Variants in BANK1 observed in about 807,000 individuals in gnomAD.
BANK1 encodes the protein B-cell scaffold protein with ankyrin repeats.
In BANK1, 95 loss-of-function variants were observed where a neutral mutation model predicts 94.5. The ratio of observed to expected loss-of-function variants is 1.00; its 90% CI spans 0.85 to 1.19. The LOEUF is 1.19. Among genes scored for constraint, BANK1 ranks in the 50% most tolerant of loss-of-function variants. The pLI is 0.00. For synonymous variants in BANK1, 334 were observed against 308.4 expected, an observed-to-expected ratio of 1.08 and a Z score of -0.87; for missense variants, 987 against 932.2, an observed-to-expected ratio of 1.06 and a Z score of -0.77.
intron 9 of BANK1, 37 bp from the exon 10 acceptor site, chr4:102,029,923 C>A: frequency 6.5e-7 from 1 of 1,546,252 alleles, no homozygotes; most frequent in Non-Finnish European, 8.7e-7. Flanking sequence ...TTGCATGTAA[C>A]AGAAGAGTAA....
chr4:101,966,783 T>G (rs1036723865), intron 7 of BANK1, among the ~76,000 whole-genome samples: 2 of 152,040 alleles, frequency 1.3e-5, no homozygotes, highest in African/African-American at 4.8e-5. Context: ...ATTTGTGGGC[T>G]TAAGACCCAT....
intron 1 of BANK1, among the ~76,000 whole-genome samples, chr4:101,796,226 C>A: frequency 6.6e-6 from 1 of 152,116 alleles, no homozygotes; most frequent in Admixed American, 6.5e-5. Flanking sequence ...AGTGACGGAG[C>A]AGCTGCACTT....
intron 5 of BANK1, among the ~76,000 whole-genome samples, chr4:101,881,460 G>T (rs1334187399): frequency 6.6e-6 from 1 of 152,042 alleles, no homozygotes; most frequent in African/African-American, 2.4e-5. Context: ...GGAGAAAACT[G>T]TTTGTCGGAA....
At position 101,925,969 on chromosome 4, in the gene BANK1, G is replaced by A. The variant is rs572158765; in HGVS notation, c.1206+7780G>A. ...CGTGGCCCTCATGAAATAAACACACGGCATTGTCCTTTCAGAAGGAAAATA... is the reference window on the plus strand; with the variant it reads ...CGTGGCCCTCATGAAATAAACACACAGCATTGTCCTTTCAGAAGGAAAATA... On this transcript the variant is annotated intron_variant, in intron 7 of 16. Coordinates refer to ENST00000322953, the MANE Select transcript of BANK1 (RefSeq NM_017935.5). Among the ~76,000 whole-genome samples the A allele has an allele frequency of 4.9e-4, 75 of 151,520 alleles. 2 individuals carry two copies. The highest frequency in any genetic ancestry group is 7.8e-4 in the Non-Finnish European group (53 of 67,720).
At chr4:101,982,041 A>AT (rs1191254845) in intron 7 of BANK1, 1 of 152,140 alleles carries the variant, frequency 6.6e-6, no homozygotes, top group Non-Finnish European at 1.5e-5. Context: ...AACCCCCTGG[A>AT]TGGGCCCCTT....
intron 13 of BANK1, among the ~76,000 whole-genome samples, chr4:102,066,170 A>G (rs1428505066): frequency 6.6e-6 from 1 of 152,184 alleles, no homozygotes; most frequent in Non-Finnish European, 1.5e-5. Flanking sequence ...GAAAGCAGCC[A>G]GAGAAAACAC....
intron 4 of BANK1, among the ~76,000 whole-genome samples, chr4:101,868,198 T>A (rs1258945164): frequency 6.6e-6 from 1 of 151,832 alleles, no homozygotes; most frequent in African/African-American, 2.4e-5. Flanking sequence ...GTAATGAAAT[T>A]GAAATACAAG....
chr4:101,964,410 A>C (rs1724675946), intron 7 of BANK1, among the ~76,000 whole-genome samples: 3 of 152,082 alleles, frequency 2.0e-5, no homozygotes. Flanking sequence ...AAAAAACCGT[A>C]ACTGATCTAT....
chr4:101,862,682 T>G lies in BANK1; in HGVS notation c.763+18T>G, dbSNP rs1274452700. 1 of 1,582,154 alleles carries G rather than the reference T, an allele frequency of 6.3e-7. No individual in the cohort carries two copies. On this transcript the variant is annotated intron_variant, in intron 4 of 16. Coordinates refer to ENST00000322953, the MANE Select transcript of BANK1 (RefSeq NM_017935.5). ...AGCTTTAGGTAAGAATGTTTATGATTTAATAAGCATAAAACATTATCCTGA... is the reference window on the plus strand; with the variant it reads ...AGCTTTAGGTAAGAATGTTTATGATGTAATAAGCATAAAACATTATCCTGA...
chr4:101,868,787 T>C (rs964017431), intron 4 of BANK1, among the ~76,000 whole-genome samples: 4 of 151,838 alleles, frequency 2.6e-5, no homozygotes, highest in African/African-American at 9.7e-5. Flanking sequence ...TTCAATAATA[T>C]ATTACTGAGG....
chr4:101,917,330 G>A (rs1032735362), intron 6 of BANK1, among the ~76,000 whole-genome samples: 1 of 151,800 alleles, frequency 6.6e-6, no homozygotes, highest in South Asian at 2.1e-4. Context: ...TGGGATACAG[G>A]TTGCATTCAT....
chr4:102,073,321 T>G lies in BANK1; in HGVS notation c.2299-363T>G, dbSNP rs1397711110. Among the ~76,000 whole-genome samples, 3 of 151,558 alleles carry G rather than the reference T, an allele frequency of 2.0e-5. No homozygotes were observed. The East Asian group carries it at 5.8e-4, about 29-fold the overall frequency. ...TTCAAATGTAGCAAAAGTGGGTGCATTATGGCCTTAGGGCTTATGAAAATA... is the reference window on the plus strand; with the variant it reads ...TTCAAATGTAGCAAAAGTGGGTGCAGTATGGCCTTAGGGCTTATGAAAATA... On this transcript the variant is annotated intron_variant, in intron 15 of 16. Coordinates refer to ENST00000322953, the MANE Select transcript of BANK1 (RefSeq NM_017935.5).
intron 7 of BANK1, among the ~76,000 whole-genome samples, chr4:102,010,409 T>G (rs1396206647): frequency 3.5e-4 from 52 of 150,422 alleles, no homozygotes; most frequent in South Asian, 8.4e-4. Flanking sequence ...TTTTTTTTTT[T>G]GGGACGGAGT....
intron 7 of BANK1, among the ~76,000 whole-genome samples, chr4:101,935,603 T>C (rs956539325): frequency 1.3e-5 from 2 of 151,606 alleles, no homozygotes; most frequent in African/African-American, 4.8e-5. Context: ...CAAATGCTAT[T>C]GAAAATCTTA....
chr4:101,865,931 C>T (rs896265884), intron 4 of BANK1, among the ~76,000 whole-genome samples: 9 of 152,128 alleles, frequency 5.9e-5, no homozygotes, highest in African/African-American at 2.2e-4. Context: ...ATAGCTACAA[C>T]AAACATTAAA....
rs114654311 is a variant in BANK1 at position 101,936,339 on chromosome 4, G to A, written c.1206+18150G>A. On this transcript the variant is annotated intron_variant, in intron 7 of 16. Transcript: ENST00000322953. ...CACATATGTATCCATACATATATATGTACATATACATGTATACATACATGC... is the reference window on the plus strand; with the variant it reads ...CACATATGTATCCATACATATATATATACATATACATGTATACATACATGC... Among the ~76,000 whole-genome samples the A allele has an allele frequency of 9.3e-3, 1,306 of 140,750 alleles. 13 individuals are homozygous for A. Among genetic ancestry groups the A allele is most frequent in the Non-Finnish European group, 0.014 (883 of 63,754 alleles). 92.3% of individuals were successfully genotyped at this position (140,750 alleles called of 152,430 possible).
At chr4:101,881,838 T>C (rs1728687424) in intron 5 of BANK1, among the ~76,000 whole-genome samples, 1 of 152,076 alleles carries the variant, frequency 6.6e-6, no homozygotes. Context: ...CATCGCATGT[T>C]CTCATTTATA....
intron 2 of BANK1, among the ~76,000 whole-genome samples, chr4:101,842,659 C>T (rs551069551): frequency 5.3e-5 from 8 of 152,176 alleles, no homozygotes; most frequent in Non-Finnish European, 7.3e-5. Context: ...TATACGTACT[C>T]AAGTCTAATC....
chr4:101,993,755 C>T (rs560356552), intron 7 of BANK1, among the ~76,000 whole-genome samples: 1 of 152,252 alleles, frequency 6.6e-6, no homozygotes, highest in East Asian at 1.9e-4. Context: ...TTATTTCTGC[C>T]AAATTAAAAA....
Sources: gnomAD v4.1 joint callset for allele counts (sites outside exome capture counted in the v4.1 genomes callset) on GRCh38, gnomAD v4.1.1 for gene constraint, MANE v1.5 for transcripts, NCBI Gene and HGNC (gene_info 2026-07-23, HGNC 2026-07-21) for gene names.